Variants in KCNT2 observed in about 807,000 individuals in gnomAD.
KCNT2 encodes the protein potassium sodium-activated channel subfamily T member 2, also known as potassium channel subfamily T member 2.
KCNT2 carries 67 observed loss-of-function variants against 153.8 expected under a neutral mutation model. That is an observed-to-expected ratio of 0.44 (90% confidence interval 0.36 to 0.53). KCNT2 has a LOEUF of 0.53. KCNT2 is among the 20% of genes least tolerant of loss of function. KCNT2 has a pLI of 0.00. For synonymous variants in KCNT2, 500 were observed against 458.8 expected (o/e 1.09, Z -1.15); for missense variants, 975 against 1,354.8 (o/e 0.72, Z 4.40).
At chr1:196,435,940 C>T (rs536102824) in intron 8 of KCNT2, among the ~76,000 whole-genome samples, 1 of 151,780 alleles carries the variant, frequency 6.6e-6, no homozygotes, top group African/African-American at 2.4e-5. Context: ...TAGCTTATCA[C>T]ATCCTAAAGG....
intron 26 of KCNT2, chr1:196,257,653 A>G (rs1464757097): frequency 1.0e-6 from 1 of 964,644 alleles, no homozygotes; most frequent in Admixed American, 6.2e-5. Flanking sequence ...TATGGATCAT[A>G]TATAGGAACT....
At chr1:196,604,878 G>T (rs1047673547) in intron 1 of KCNT2, among the ~76,000 whole-genome samples, 2 of 151,940 alleles carry the variant, frequency 1.3e-5, no homozygotes, top group Non-Finnish European at 2.9e-5. Flanking sequence ...GCCAGTGTAT[G>T]TGTATGTGTT....
At position 196,608,422 on chromosome 1, in the gene KCNT2, G is replaced by A. The variant is rs1665556327; in HGVS notation, c.-113C>T. ...CTAACAAGACGCTGTGGCCGAGAGA[G>A]GGATGGGAGAAGGGGAAGGGGACAG... On this transcript the variant is annotated 5_prime_UTR_variant, in exon 1 of 28. Transcript: ENST00000294725. The A allele has an allele frequency of 1.2e-6, 1 of 814,482 alleles. No homozygotes were observed. The highest frequency in any genetic ancestry group is 2.0e-5 in the Admixed American group (1 of 50,328). The allele number at this position is 814,482 out of a possible 1,614,324, so 50.5% of individuals were successfully genotyped here. A position where few individuals can be genotyped will look rare whatever the true frequency, so the allele number is the denominator to read the frequency against.
intron 1 of KCNT2, among the ~76,000 whole-genome samples, chr1:196,591,610 C>T (rs2149002390): frequency 6.6e-6 from 1 of 152,288 alleles, no homozygotes. Context: ...CCAATGCTCT[C>T]ATAGTACAAT....
intron 8 of KCNT2, among the ~76,000 whole-genome samples, chr1:196,454,396 C>T (rs1295302889): frequency 1.3e-5 from 2 of 151,800 alleles, no homozygotes; most frequent in East Asian, 3.9e-4. Flanking sequence ...CTCTAGCAGT[C>T]CCCAGTGCTT....
chr1:196,455,318 C>A (rs1676566987), intron 8 of KCNT2, among the ~76,000 whole-genome samples: 1 of 151,990 alleles, frequency 6.6e-6, no homozygotes, highest in South Asian at 2.1e-4. Flanking sequence ...CTTTGAAGGC[C>A]AAGCTGCCTA....
chr1:196,334,045 TCTATAGCC>T lies in KCNT2; in HGVS notation c.1791_1798del (p.Ala598LeufsTer7). The T allele has an allele frequency of 6.2e-7, 1 of 1,612,664 alleles. No individual in the cohort carries two copies. Among genetic ancestry groups the T allele is most frequent in the Non-Finnish European group, 8.5e-7 (1 of 1,179,154 alleles). ...TGATCTACAGCTTGTATCTTGCAAG[TCTATAGCC>T]ACAGTACCTAAAACAATAAAACATG... On this transcript the variant is annotated frameshift_variant, in exon 17 of 28. Transcript: ENST00000294725. LOFTEE classifies it high-confidence loss of function.
intron 6 of KCNT2, among the ~76,000 whole-genome samples, chr1:196,468,256 T>C (rs538673126): frequency 6.6e-6 from 1 of 152,230 alleles, no homozygotes; most frequent in South Asian, 2.1e-4. Flanking sequence ...TCATTTAATC[T>C]AGTTCCAGTT....
intron 22 of KCNT2, among the ~76,000 whole-genome samples, chr1:196,300,822 G>T (rs1437221339): frequency 6.6e-6 from 1 of 151,838 alleles, no homozygotes; most frequent in African/African-American, 2.4e-5. Context: ...CCTTGCAATG[G>T]GTGAGAAATT....
intron 13 of KCNT2, among the ~76,000 whole-genome samples, chr1:196,394,094 CAAGA>C (rs1670716631): frequency 1.3e-5 from 2 of 151,154 alleles, no homozygotes; most frequent in South Asian, 4.1e-4. Flanking sequence ...AAATTATTCA[CAAGA>C]AAGAATCTTT....
intron 1 of KCNT2, among the ~76,000 whole-genome samples, chr1:196,541,112 T>C (rs1161444906): frequency 1.6e-5 from 2 of 128,684 alleles, no homozygotes; most frequent in Non-Finnish European, 3.2e-5. Context: ...AATCTATTTA[T>C]ATTCGTTCAG....
intron 1 of KCNT2, among the ~76,000 whole-genome samples, chr1:196,584,194 A>ATAAAATAAAATAAAAT (rs1553259558): frequency 6.6e-6 from 1 of 151,670 alleles, no homozygotes; most frequent in African/African-American, 2.4e-5. Context: ...ATAAAATAAA[A>ATAAAATAAAATAAAAT]AGAATAGAAG....
chr1:196,457,562 GACA>G (rs143762825), intron 8 of KCNT2, among the ~76,000 whole-genome samples: 7,504 of 149,424 alleles, frequency 0.05, 631 homozygotes, highest in African/African-American at 0.17. Context: ...ACTCTGGTGT[GACA>G]ACAACTATCA....
chr1:196,282,538 A>G (rs1229651019), intron 23 of KCNT2, among the ~76,000 whole-genome samples, 182 bp from the exon 24 acceptor site: 1 of 152,228 alleles, frequency 6.6e-6, no homozygotes, highest in Non-Finnish European at 1.5e-5. Context: ...ATAAACATGT[A>G]CAGTTAAGCT....
At chr1:196,510,378 A>T (rs913943083) in intron 1 of KCNT2, among the ~76,000 whole-genome samples, 2 of 152,102 alleles carry the variant, frequency 1.3e-5, no homozygotes, top group African/African-American at 4.8e-5. Context: ...CAAATCATAA[A>T]CAATGAAACT....
intron 1 of KCNT2, among the ~76,000 whole-genome samples, chr1:196,575,995 T>G (rs1463569254): frequency 1.1e-5 from 1 of 94,438 alleles, no homozygotes; most frequent in South Asian, 3.7e-4. Flanking sequence ...AAAAAAAAAA[T>G]TGAAGAAGAG....
At chr1:196,490,713 C>G (rs1056124940) in intron 2 of KCNT2, among the ~76,000 whole-genome samples, 5 of 151,576 alleles carry the variant, frequency 3.3e-5, no homozygotes, top group African/African-American at 1.2e-4. Flanking sequence ...AATTATGCAG[C>G]CTGTAATATT....
intron 8 of KCNT2, among the ~76,000 whole-genome samples, chr1:196,458,010 G>A (rs941541598): frequency 6.6e-6 from 1 of 151,834 alleles, no homozygotes; most frequent in African/African-American, 2.4e-5. Flanking sequence ...GATAACGCAC[G>A]AGACTAAAAA....
intron 7 of KCNT2, 67 bp downstream of exon 7, chr1:196,467,636 T>A: frequency 1.9e-6 from 2 of 1,052,414 alleles, no homozygotes; most frequent in Admixed American, 1.9e-5. Context: ...CTCTGTTTAA[T>A]CTAAACATTG....
Sources: gnomAD v4.1 joint callset for allele counts (sites outside exome capture counted in the v4.1 genomes callset) on GRCh38, gnomAD v4.1.1 for gene constraint, MANE v1.5 for transcripts, NCBI Gene and HGNC (gene_info 2026-07-23, HGNC 2026-07-21) for gene names.